The following LPP variants were observed in gnomAD, a reference collection of about 807,000 sequenced individuals.
The protein encoded by LPP is lipoma-preferred partner.
In LPP, 38 loss-of-function variants were observed where a neutral mutation model predicts 60.4. The ratio of observed to expected loss-of-function variants is 0.63; its 90% CI spans 0.49 to 0.83. LPP has a LOEUF of 0.83. Ranked by LOEUF, LPP falls within the 40% of genes least tolerant of loss-of-function variation. The pLI is 0.00. For synonymous variants in LPP, 328 were observed against 290.8 expected (o/e 1.13, Z -1.30); for missense variants, 902 against 783.6 (o/e 1.15, Z -1.80).
intron 3 of LPP, among the ~76,000 whole-genome samples, chr3:188,404,054 G>A (rs772567720): frequency 5.3e-5 from 8 of 152,072 alleles, no homozygotes; most frequent in South Asian, 2.1e-4. Flanking sequence ...TGTTATCCTC[G>A]TCTTTTAAGA....
intron 3 of LPP, among the ~76,000 whole-genome samples, chr3:188,354,810 C>T (rs914125031): frequency 6.3e-5 from 6 of 95,724 alleles, no homozygotes; most frequent in South Asian, 4.4e-4. Flanking sequence ...AACACACACA[C>T]GCGCGTGCGC....
chr3:188,184,379 C>G (rs1165265752), intron 1 of LPP, among the ~76,000 whole-genome samples: 1 of 152,174 alleles, frequency 6.6e-6, no homozygotes, highest in Non-Finnish European at 1.5e-5. Context: ...GGAGAGCATG[C>G]TGTCACTGAA....
At chr3:188,199,315 A>G (rs1730391682) in intron 1 of LPP, among the ~76,000 whole-genome samples, 1 of 152,138 alleles carries the variant, frequency 6.6e-6, no homozygotes. Flanking sequence ...CAACTCGCTT[A>G]GATTCAAGGG....
chr3:188,749,660 G>A (rs1031239067), intron 8 of LPP, among the ~76,000 whole-genome samples: 3 of 152,062 alleles, frequency 2.0e-5, no homozygotes, highest in Non-Finnish European at 4.4e-5. Context: ...TCATGTACAA[G>A]GTCATTCCTA....
chr3:188,843,258 G>A (rs1207006916), intron 9 of LPP, among the ~76,000 whole-genome samples: 2 of 152,144 alleles, frequency 1.3e-5, no homozygotes, highest in East Asian at 1.9e-4. Flanking sequence ...ATTAGGAATG[G>A]ACCTTTGCTT....
rs548164048 is a variant in LPP at position 188,306,600 on chromosome 3, G to A, written c.-66-35063G>A. 1.2e-4 allele frequency among the ~76,000 whole-genome samples: 19 copies of A among 152,162 alleles called. No homozygotes were observed. The South Asian group carries it at 1.7e-3, about 13-fold the overall frequency. On this transcript the variant is annotated intron_variant, in intron 2 of 11. Transcript: ENST00000617246. ...GAAATATTTTGTTTTCCTCTTTACCGTAAGGAAAGTAACAGTGCTAGTGTG... is the reference window on the plus strand; with the variant it reads ...GAAATATTTTGTTTTCCTCTTTACCATAAGGAAAGTAACAGTGCTAGTGTG...
chr3:188,662,667 T>C (rs1854848540), intron 7 of LPP, among the ~76,000 whole-genome samples: 1 of 152,248 alleles, frequency 6.6e-6, no homozygotes. Context: ...TTATTTCCTC[T>C]CTCCTGCCCC....
chr3:188,701,794 T>C (rs546753923), intron 7 of LPP, among the ~76,000 whole-genome samples: 2 of 152,080 alleles, frequency 1.3e-5, no homozygotes, highest in Admixed American at 6.5e-5. Flanking sequence ...TGTTAGAAGA[T>C]GTTTGCCAAT....
At chr3:188,625,541 A>C (rs1276307418) in intron 7 of LPP, among the ~76,000 whole-genome samples, 1 of 152,166 alleles carries the variant, frequency 6.6e-6, no homozygotes, top group East Asian at 1.9e-4. Context: ...ATTTCGGAGA[A>C]GGCAAGTCAG....
chr3:188,374,355 C>A (rs1774286006), intron 3 of LPP, among the ~76,000 whole-genome samples: 1 of 152,088 alleles, frequency 6.6e-6, no homozygotes, highest in Non-Finnish European at 1.5e-5. Context: ...GAATGTTCTT[C>A]CATTTGTTTG....
At chr3:188,790,477 A>G (rs1375525074) in intron 9 of LPP, among the ~76,000 whole-genome samples, 3 of 151,970 alleles carry the variant, frequency 2.0e-5, no homozygotes, top group Non-Finnish European at 4.4e-5. Context: ...CTACCCTTCT[A>G]TGACAGTTGA....
intron 2 of LPP, among the ~76,000 whole-genome samples, chr3:188,340,652 C>T (rs4630938): frequency 0.75 from 114,119 of 151,932 alleles, 43,878 homozygotes; most frequent in African/African-American, 0.91. Flanking sequence ...AAATGATGTG[C>T]GATTCATCAG....
chr3:188,280,934 T>TAAAGGAA (rs1491586883), intron 2 of LPP, among the ~76,000 whole-genome samples: 3 of 14,218 alleles, frequency 2.1e-4, no homozygotes, highest in African/African-American at 6.2e-4. Context: ...GACAAAGGAA[T>TAAAGGAA]TTTTTTTTTT....
At chr3:188,421,672 G>T (rs1236788894) in intron 4 of LPP, among the ~76,000 whole-genome samples, 1 of 152,074 alleles carries the variant, frequency 6.6e-6, no homozygotes, top group Non-Finnish European at 1.5e-5. Flanking sequence ...TTCATTTGTG[G>T]TGGCTCTTAT....
chr3:188,258,572 T>C (rs1732469663), intron 2 of LPP, among the ~76,000 whole-genome samples: 2 of 152,196 alleles, frequency 1.3e-5, no homozygotes, highest in African/African-American at 4.8e-5. Context: ...TCTCCCACCT[T>C]GGCCTCCCAA....
chr3:188,820,981 C>T (rs745641990), intron 9 of LPP, among the ~76,000 whole-genome samples: 7 of 151,950 alleles, frequency 4.6e-5, no homozygotes, highest in Non-Finnish European at 7.4e-5. Context: ...TCTTAGAATT[C>T]ATTCTAAACT....
intron 6 of LPP, among the ~76,000 whole-genome samples, chr3:188,557,810 C>G: frequency 6.6e-6 from 1 of 152,082 alleles, no homozygotes; most frequent in Non-Finnish European, 1.5e-5. Context: ...TGTTCTGGCG[C>G]TCTCTTTTCT....
At chr3:188,384,571 C>G (rs1413625347) in intron 3 of LPP, among the ~76,000 whole-genome samples, 1 of 152,016 alleles carries the variant, frequency 6.6e-6, no homozygotes, top group Non-Finnish European at 1.5e-5. Context: ...GCGGGCAGAT[C>G]ATGAGGTCAG....
chr3:188,190,229 G>A (rs7653394), intron 1 of LPP, among the ~76,000 whole-genome samples: 65,978 of 151,660 alleles, frequency 0.44, 15,287 homozygotes, highest in Non-Finnish European at 0.53. Context: ...GCTAAGTTTT[G>A]TATTTTTTTA....
Sources: allele counts gnomAD v4.1 joint callset (sites outside exome capture counted in the v4.1 genomes callset), GRCh38; gene constraint gnomAD v4.1.1; transcripts MANE v1.5; gene names NCBI Gene and HGNC (gene_info 2026-07-23, HGNC 2026-07-21).